KIFC3: variants seen among roughly 807,000 people sequenced by gnomAD.
KIFC3 encodes kinesin family member C3, also known as kinesin-like protein KIFC3.
KIFC3 carries 60 observed loss-of-function variants against 101.8 expected under a neutral mutation model. That is an observed-to-expected ratio of 0.59 (90% confidence interval 0.48 to 0.73). The LOEUF (loss-of-function observed/expected upper bound fraction) is 0.73, where lower values mean the gene tolerates loss of function less well. KIFC3 is among the 30% of genes least tolerant of loss of function. KIFC3 has a pLI of 0.00. For synonymous variants in KIFC3, 476 were observed against 482.7 expected (o/e 0.99, Z 0.18); for missense variants, 966 against 1,137.1 (o/e 0.85, Z 2.16).
intron 19 of KIFC3, 67 bp downstream of exon 19, chr16:57,759,058 A>T: frequency 6.5e-7 from 1 of 1,540,924 alleles, no homozygotes; most frequent in East Asian, 2.4e-5. Context: ...AGAACGTCCC[A>T]GCGCAGCCCT....
At chr16:57,852,238 A>C (rs2056073727) in intron 1 of KIFC3, among the ~76,000 whole-genome samples, 1 of 152,126 alleles carries the variant, frequency 6.6e-6, no homozygotes, top group African/African-American at 2.4e-5. Flanking sequence ...GGAGCTTGTG[A>C]CTGGAGGACT....
chr16:57,862,753 C>A (rs1959374319), exon 1 of KIFC3: 13 of 1,289,408 alleles, frequency 1.0e-5, no homozygotes, highest in Non-Finnish European at 1.3e-5. Context: ...GGACACCAGC[C>A]TCCAATCTGA....
chr16:57,805,342 C>CA (rs1260716661), upstream of KIFC3, among the ~76,000 whole-genome samples: 14 of 152,194 alleles, frequency 9.2e-5, no homozygotes, highest in African/African-American at 2.2e-4. Context: ...ACTCCAAGGT[C>CA]ATTTCTAACC....
chr16:57,782,437 T>C (rs2052840045), intron 3 of KIFC3: 1 of 152,194 alleles, frequency 6.6e-6, no homozygotes, highest in Non-Finnish European at 1.5e-5. Flanking sequence ...ATTACATCCA[T>C]CTCACAGATG....
rs782068645 is a variant in KIFC3 at position 57,798,089 on chromosome 16, G to C, written c.155C>G (p.Pro52Arg). ...GGACTCACCAGTTCTCAACCTCCCC[G>C]GGCCGGTGTGTGGGAAAGGGCGGGC... ...PAARPFPHTG[P>R]GRLRTGRGKD... The change falls in exon 2 of 20, where the codon CCG becomes CGG. Residue 52 changes from proline to arginine, a missense_variant. By Grantham distance (103) the Pro-to-Arg change is moderately radical (BLOSUM62 -2). Transcript: ENST00000445690. 4.4e-6 allele frequency: 7 copies of C among 1,592,386 alleles called. No individual in the cohort carries two copies. The highest frequency in any genetic ancestry group is 3.5e-5 in the Admixed American group (2 of 57,762).
chr16:57,804,051 C>G (rs2054873343), upstream of KIFC3, among the ~76,000 whole-genome samples: 1 of 152,186 alleles, frequency 6.6e-6, no homozygotes, highest in Non-Finnish European at 1.5e-5. Flanking sequence ...CTTTTTCTTA[C>G]TCAGGGATTG....
rs560271870 is a variant in KIFC3 at position 57,849,159 on chromosome 16, T to G, written c.108+13570A>C. ...TATCTGTGGCTCTACTCGTCTAAAT[T>G]TAAGCCTTTTTGGGGACAGAAACCC... On this transcript the variant is annotated intron_variant, in intron 1 of 2. Coordinates refer to the KIFC3 transcript ENST00000563028. 7.0e-4 allele frequency among the ~76,000 whole-genome samples: 107 copies of G among 152,278 alleles called. No individual in the cohort carries two copies. The South Asian group carries it at 0.02, about 29-fold the overall frequency.
At chr16:57,763,670 G>A (rs1338196906) in intron 12 of KIFC3, among the ~76,000 whole-genome samples, 2 of 152,178 alleles carry the variant, frequency 1.3e-5, no homozygotes, top group Non-Finnish European at 2.9e-5. Context: ...CCTGGCCCCA[G>A]GGACCACCGG....
At chr16:57,822,894 A>T (rs1314116530) in intron 1 of KIFC3, among the ~76,000 whole-genome samples, 1 of 152,142 alleles carries the variant, frequency 6.6e-6, no homozygotes, top group Non-Finnish European at 1.5e-5. Context: ...TGTTGTTTCA[A>T]TGTTAATTTC....
At chr16:57,823,919 G>A (rs535709786) in intron 1 of KIFC3, among the ~76,000 whole-genome samples, 4 of 152,174 alleles carry the variant, frequency 2.6e-5, no homozygotes, top group East Asian at 1.9e-4. Context: ...GAGCCACCAC[G>A]CCCAGCCTAA....
chr16:57,833,065 G>A (rs905894743), intron 1 of KIFC3, among the ~76,000 whole-genome samples: 6 of 152,082 alleles, frequency 3.9e-5, no homozygotes, highest in African/African-American at 7.2e-5. Context: ...AATTAGCCAG[G>A]TGTGGTGGCA....
intron 3 of KIFC3, among the ~76,000 whole-genome samples, chr16:57,779,081 T>C (rs1216932522): frequency 1.3e-5 from 2 of 152,134 alleles, no homozygotes; most frequent in Admixed American, 1.3e-4. Context: ...CATTTCTGGG[T>C]ATATACCCAA....
intron 1 of KIFC3, among the ~76,000 whole-genome samples, chr16:57,842,843 A>G (rs1255878826): frequency 1.3e-5 from 2 of 152,158 alleles, no homozygotes; most frequent in Non-Finnish European, 2.9e-5. Context: ...AATAAATATC[A>G]TAGAGCAGCC....
chr16:57,826,954 G>A (rs2055471477), intron 1 of KIFC3, among the ~76,000 whole-genome samples: 1 of 152,204 alleles, frequency 6.6e-6, no homozygotes, highest in Admixed American at 6.5e-5. Flanking sequence ...GCCTGCTGCA[G>A]ACCCTCCCTG....
chr16:57,823,006 T>G (rs1397649322), intron 1 of KIFC3, among the ~76,000 whole-genome samples: 1 of 152,198 alleles, frequency 6.6e-6, no homozygotes, highest in African/African-American at 2.4e-5. Flanking sequence ...AAGGGCATTC[T>G]AACGTTAACT....
intron 1 of KIFC3, among the ~76,000 whole-genome samples, chr16:57,841,364 T>C (rs1332343289): frequency 6.6e-6 from 1 of 152,140 alleles, no homozygotes; most frequent in Non-Finnish European, 1.5e-5. Flanking sequence ...AAGTTCCCTA[T>C]TACATTAAAA....
chr16:57,795,153 C>G lies in KIFC3; in HGVS notation c.173-12G>C. 6.2e-7 allele frequency: 1 copy of G among 1,606,442 alleles called. No homozygotes were observed. Among genetic ancestry groups the G allele is most frequent in the Middle Eastern group, 1.7e-4 (1 of 6,026 alleles). The stretch of plus-strand genomic sequence containing the variant: ...ATCTTTTCCACGCCCTGTCCCAGGA[C>G]AGAGAGATAGGTGAGACACTCCGAC... On this transcript the variant is annotated splice_polypyrimidine_tract_variant and intron_variant, in intron 2 of 19. Transcript: ENST00000445690.
chr16:57,844,552 T>C (rs995739448), intron 1 of KIFC3, among the ~76,000 whole-genome samples: 1 of 151,758 alleles, frequency 6.6e-6, no homozygotes, highest in African/African-American at 2.4e-5. Flanking sequence ...GGAGGGGGAT[T>C]GGAGTTCAGC....
chr16:57,847,239 G>T (rs2055941054), intron 1 of KIFC3, among the ~76,000 whole-genome samples: 1 of 101,318 alleles, frequency 9.9e-6, no homozygotes, highest in African/African-American at 4.8e-5. Flanking sequence ...AGGAAGGAAG[G>T]AAGGAAGGAA....
Sources: allele counts gnomAD v4.1 joint callset (sites outside exome capture counted in the v4.1 genomes callset), GRCh38; gene constraint gnomAD v4.1.1; transcripts MANE v1.5; gene names NCBI Gene and HGNC (gene_info 2026-07-23, HGNC 2026-07-21).